The following SPATA6 variants were observed in gnomAD, a reference collection of about 807,000 sequenced individuals.
SPATA6 encodes the protein spermatogenesis-associated protein 6.
A neutral mutation model predicts 65.3 loss-of-function variants in SPATA6; 56 were observed. The ratio of observed to expected loss-of-function variants is 0.86; its 90% CI spans 0.69 to 1.07. The LOEUF (loss-of-function observed/expected upper bound fraction) is 1.07. SPATA6 is among the 50% of genes least tolerant of loss of function. SPATA6 has a pLI of 0.00. For synonymous variants in SPATA6, 199 were observed against 213.2 expected, an observed-to-expected ratio of 0.93 and a Z score of 0.58; for missense variants, 590 against 594.8, an observed-to-expected ratio of 0.99 and a Z score of 0.08.
At position 48,445,819 on chromosome 1, in the gene SPATA6, C is replaced by T. The variant is rs1342894112; in HGVS notation, c.238+5733G>A. Among the ~76,000 whole-genome samples the T allele has an allele frequency of 2.0e-5, 3 of 152,098 alleles. 1 individual carries two copies. Among genetic ancestry groups the T allele is most frequent in the Admixed American group, 2.0e-4 (3 of 15,290 alleles). ...TTGATGAAAAGTATGGAACACAGAC[C>T]TCTTATTTATTCTTAAGGATATGGT... On this transcript the variant is annotated intron_variant, in intron 3 of 12. Transcript: ENST00000371847.
intron 11 of SPATA6, among the ~76,000 whole-genome samples, chr1:48,307,089 G>C (rs1420478863): frequency 1.3e-5 from 2 of 151,652 alleles, no homozygotes; most frequent in African/African-American, 4.8e-5. Context: ...AGTCAATGCA[G>C]TGGAGCATTT....
chr1:48,281,135 C>G, the SPATA6 span, among the ~76,000 whole-genome samples: 9 of 152,128 alleles, frequency 5.9e-5, no homozygotes, highest in African/African-American at 1.7e-4. Flanking sequence ...ATTCAACAAC[C>G]TTTCATGCTA....
intron 3 of SPATA6, among the ~76,000 whole-genome samples, chr1:48,446,498 T>C (rs1656066018): frequency 6.6e-6 from 1 of 152,138 alleles, no homozygotes; most frequent in Non-Finnish European, 1.5e-5. Context: ...AATGAATACA[T>C]TGGTACCTGG....
chr1:48,399,240 G>A (rs1396816030), intron 7 of SPATA6, 111 bp downstream of exon 7: 2 of 1,257,620 alleles, frequency 1.6e-6, no homozygotes, highest in African/African-American at 1.5e-5. Flanking sequence ...GCAGTCAGAA[G>A]AGAAAAGTAT....
chr1:48,392,253 G>A, intron 8 of SPATA6, among the ~76,000 whole-genome samples: 1 of 152,052 alleles, frequency 6.6e-6, no homozygotes, highest in East Asian at 1.9e-4. Context: ...ATCTTCAAAT[G>A]AAGAGAAGAA....
the SPATA6 span, among the ~76,000 whole-genome samples, chr1:48,274,938 C>T: frequency 6.6e-6 from 1 of 152,212 alleles, no homozygotes; most frequent in Non-Finnish European, 1.5e-5. Flanking sequence ...GCAGTATACT[C>T]ATTTTTACTA....
chr1:48,430,623 T>C (rs949663492), intron 3 of SPATA6, among the ~76,000 whole-genome samples: 1 of 152,144 alleles, frequency 6.6e-6, no homozygotes, highest in African/African-American at 2.4e-5. Flanking sequence ...CACATTTTTG[T>C]TTGCAATGTA....
At chr1:48,417,885 TG>T (rs1402377651) in intron 3 of SPATA6, among the ~76,000 whole-genome samples, 1 of 152,146 alleles carries the variant, frequency 6.6e-6, no homozygotes, top group Non-Finnish European at 1.5e-5. Context: ...TGTTGTTGTT[TG>T]GTTTTTTTTG....
chr1:48,347,343 A>C (rs1240798610), intron 11 of SPATA6, among the ~76,000 whole-genome samples: 1 of 151,292 alleles, frequency 6.6e-6, no homozygotes. Flanking sequence ...TATAAAACCC[A>C]AAAATATAAA....
At chr1:48,373,112 A>C (rs1167561471) in intron 9 of SPATA6, among the ~76,000 whole-genome samples, 1 of 152,232 alleles carries the variant, frequency 6.6e-6, no homozygotes, top group Admixed American at 6.5e-5. Context: ...TTTCTCCCCA[A>C]AAAACAGGTT....
chr1:48,384,385 AGAGG>A (rs1391611232), intron 9 of SPATA6, among the ~76,000 whole-genome samples: 4 of 19,080 alleles, frequency 2.1e-4, no homozygotes, highest in Non-Finnish European at 3.5e-4. Context: ...AGGGAGAGGG[AGAGG>A]GAGAGGGAGA....
intron 11 of SPATA6, among the ~76,000 whole-genome samples, chr1:48,312,756 A>G (rs1645259711): frequency 6.6e-6 from 1 of 152,210 alleles, no homozygotes; most frequent in Non-Finnish European, 1.5e-5. Flanking sequence ...TCCAAGCTAA[A>G]GGAGGAAGTT....
chr1:48,345,523 G>A (rs1225784426), intron 11 of SPATA6, among the ~76,000 whole-genome samples: 2 of 151,794 alleles, frequency 1.3e-5, no homozygotes, highest in Non-Finnish European at 2.9e-5. Flanking sequence ...TGATTGACAC[G>A]AAAAACCATT....
At chr1:48,305,333 A>G (rs1178182775) in intron 12 of SPATA6, among the ~76,000 whole-genome samples, 4 of 152,196 alleles carry the variant, frequency 2.6e-5, no homozygotes, top group African/African-American at 9.6e-5. Flanking sequence ...ATACTGCATT[A>G]AAATTATGTC....
At chr1:48,265,495 C>A in the SPATA6 span, among the ~76,000 whole-genome samples, 2 of 151,532 alleles carry the variant, frequency 1.3e-5, no homozygotes, top group South Asian at 4.2e-4. Context: ...TCTTGGAGCT[C>A]AAGGTATTTT....
At chr1:48,289,033 C>A in the SPATA6 span, among the ~76,000 whole-genome samples, 1 of 152,196 alleles carries the variant, frequency 6.6e-6, no homozygotes, top group African/African-American at 2.4e-5. Context: ...ATCTGAGAAC[C>A]AACAGACTGC....
At chr1:48,302,485 T>C (rs746569250) in intron 12 of SPATA6, among the ~76,000 whole-genome samples, 9 of 152,230 alleles carry the variant, frequency 5.9e-5, no homozygotes, top group Non-Finnish European at 1.2e-4. Flanking sequence ...GTACTTGTCT[T>C]GGCTTCTCAG....
At chr1:48,461,055 A>T (rs925778753) in intron 1 of SPATA6, among the ~76,000 whole-genome samples, 4 of 152,204 alleles carry the variant, frequency 2.6e-5, no homozygotes, top group Admixed American at 6.5e-5. Flanking sequence ...CCAGAAGGTA[A>T]GACAGGAGAG....
chr1:48,399,761 A>G, intron 6 of SPATA6, 117 bp from the exon 7 acceptor site: 1 of 876,454 alleles, frequency 1.1e-6, no homozygotes, highest in Non-Finnish European at 1.7e-6. Context: ...AGCCAACTAG[A>G]TCAGTCCTTC....
Sources: gnomAD v4.1 joint callset for allele counts (sites outside exome capture counted in the v4.1 genomes callset) on GRCh38, gnomAD v4.1.1 for gene constraint, MANE v1.5 for transcripts, NCBI Gene and HGNC (gene_info 2026-07-23, HGNC 2026-07-21) for gene names.